Variants in SDK1 observed in about 807,000 individuals in gnomAD.
SDK1 encodes protein sidekick-1.
Under a neutral mutation model 245.5 loss-of-function variants are expected in SDK1, and 157 were observed. That is an observed-to-expected ratio of 0.64 (90% CI 0.56 to 0.73). SDK1 has a LOEUF of 0.73. SDK1 is among the 30% of genes least tolerant of loss of function. The probability of loss-of-function intolerance (pLI) is 0.00; values close to 1 mark genes in which losing one functional copy is unlikely to be tolerated. For missense variants in SDK1, 3,583 were observed against 3,002.3 expected (o/e 1.19, Z -4.52); for synonymous variants, 1,647 against 1,278.5 (o/e 1.29, Z -6.15).
At chr7:3,513,981 G>T (rs1782657038) in intron 1 of SDK1, among the ~76,000 whole-genome samples, 1 of 152,308 alleles carries the variant, frequency 6.6e-6, no homozygotes, top group South Asian at 2.1e-4. Context: ...TTTTATGGCT[G>T]TGTAATATTC....
At chr7:3,374,306 T>G (rs961636553) in intron 1 of SDK1, among the ~76,000 whole-genome samples, 3 of 152,210 alleles carry the variant, frequency 2.0e-5, no homozygotes, top group Admixed American at 6.5e-5. Context: ...GGAAGACTTG[T>G]GACTTCTGCC....
chr7:3,502,645 G>C (rs1378132266), intron 1 of SDK1, among the ~76,000 whole-genome samples: 3 of 152,166 alleles, frequency 2.0e-5, no homozygotes, highest in Admixed American at 6.5e-5. Flanking sequence ...TACCCGTTTT[G>C]TGTAAGTATA....
chr7:3,356,601 AAGT>A (rs769940261), intron 1 of SDK1, among the ~76,000 whole-genome samples: 5 of 152,166 alleles, frequency 3.3e-5, no homozygotes, highest in Non-Finnish European at 5.9e-5. Context: ...CTGACCAAGA[AAGT>A]AGGTATAGAA....
At position 3,596,206 on chromosome 7, in the gene SDK1, G is replaced by T. The variant is rs529200515; in HGVS notation, c.299-22874G>T. 2.0e-5 allele frequency among the ~76,000 whole-genome samples: 3 copies of T among 152,214 alleles called. No homozygotes were observed. The South Asian group carries it at 6.2e-4, about 32-fold the overall frequency. On this transcript the variant is annotated intron_variant, in intron 1 of 44. Transcript: ENST00000404826. ...TGTCGTTCCAGGGGTAGTAACAGAAGCTGTCATCTTGCTGGCTCTTCCATC... is the reference window on the plus strand; with the variant it reads ...TGTCGTTCCAGGGGTAGTAACAGAATCTGTCATCTTGCTGGCTCTTCCATC...
chr7:3,965,702 A>G (rs1289084794), intron 9 of SDK1, among the ~76,000 whole-genome samples: 2 of 152,006 alleles, frequency 1.3e-5, no homozygotes, highest in Non-Finnish European at 2.9e-5. Flanking sequence ...GCAGTGAAGG[A>G]CGAGATGACT....
chr7:4,034,465 C>T (rs759407616), intron 17 of SDK1, among the ~76,000 whole-genome samples: 2 of 152,186 alleles, frequency 1.3e-5, no homozygotes, highest in Admixed American at 6.5e-5. Flanking sequence ...TAGCAGCTCA[C>T]TCTCAAACAG....
intron 1 of SDK1, among the ~76,000 whole-genome samples, chr7:3,614,208 A>C (rs949011104): frequency 6.6e-6 from 1 of 152,310 alleles, no homozygotes; most frequent in East Asian, 1.9e-4. Context: ...TATATTATCC[A>C]CACAGATGAG....
At chr7:3,496,878 T>C (rs1782042506) in intron 1 of SDK1, among the ~76,000 whole-genome samples, 1 of 152,200 alleles carries the variant, frequency 6.6e-6, no homozygotes, top group Non-Finnish European at 1.5e-5. Flanking sequence ...GTTAGGTTAG[T>C]AGTGCTTGAC....
intron 4 of SDK1, among the ~76,000 whole-genome samples, chr7:3,720,208 A>T (rs567874877): frequency 6.6e-6 from 1 of 152,280 alleles, no homozygotes; most frequent in South Asian, 2.1e-4. Context: ...TTGAGGCAAG[A>T]TTGTGCCATT....
intron 1 of SDK1, among the ~76,000 whole-genome samples, chr7:3,464,032 T>C (rs1422881186): frequency 6.6e-6 from 1 of 152,236 alleles, no homozygotes; most frequent in African/African-American, 2.4e-5. Context: ...CTGATAGCTT[T>C]AATCTAAAAA....
rs1375615057 is a variant in SDK1 at position 4,067,745 on chromosome 7, C to G, written c.2912-93C>G. 4.5e-6 allele frequency: 4 copies of G among 890,212 alleles called. No individual in the cohort carries two copies. The East Asian group carries it at 1.1e-4, about 24-fold the overall frequency. The allele number at this position is 890,212 out of a possible 1,614,324, so 55.1% of individuals were successfully genotyped here. A position where few individuals can be genotyped will look rare whatever the true frequency, so the allele number is the denominator to read the frequency against. On this transcript the variant is annotated intron_variant, in intron 19 of 44. Coordinates refer to ENST00000404826, the MANE Select transcript of SDK1 (RefSeq NM_152744.4). ...AGGGTTTTGCAGCCCCAGCTCACCA[C>G]TTTCCTTCCATAGTTAGAACCTTCC...
intron 9 of SDK1, among the ~76,000 whole-genome samples, chr7:3,963,747 G>A (rs1397266602): frequency 2.7e-5 from 4 of 149,836 alleles, no homozygotes; most frequent in Non-Finnish European, 4.4e-5. Flanking sequence ...CAGCCCCATG[G>A]CTATCTGGAT....
intron 14 of SDK1, among the ~76,000 whole-genome samples, chr7:3,992,768 G>A (rs1171610570): frequency 1.3e-5 from 2 of 152,134 alleles, no homozygotes; most frequent in East Asian, 1.9e-4. Context: ...TATCTGATTC[G>A]ATAGGGACCC....
rs769917200 is a variant in SDK1, at chr7:3,654,028, G to A, written c.713+11923G>A. Among the ~76,000 whole-genome samples, 9 of 152,244 alleles carry A rather than the reference G, an allele frequency of 5.9e-5. No homozygotes were observed. In the East Asian group the frequency reaches 1.4e-3, roughly 23 times the overall value. ...ATGCAGGGGTGTTCAGGTAAAAAAC[G>A]TTCATCTTTCTGTGGCTCTCTGGCT... On this transcript the variant is annotated intron_variant, in intron 4 of 44. Coordinates refer to ENST00000404826, the MANE Select transcript of SDK1 (RefSeq NM_152744.4).
intron 1 of SDK1, among the ~76,000 whole-genome samples, chr7:3,569,294 T>C (rs1780031579): frequency 1.3e-5 from 2 of 152,196 alleles, no homozygotes; most frequent in African/African-American, 4.8e-5. Flanking sequence ...GCTGAGAGCC[T>C]GGTTCATCTG....
chr7:3,494,768 T>A (rs1781972174), intron 1 of SDK1, among the ~76,000 whole-genome samples: 1 of 152,230 alleles, frequency 6.6e-6, no homozygotes, highest in African/African-American at 2.4e-5. Flanking sequence ...TTTTGGCTAA[T>A]TAGGTCACCT....
chr7:3,361,813 C>T (rs938041714), intron 1 of SDK1, among the ~76,000 whole-genome samples: 8 of 152,038 alleles, frequency 5.3e-5, no homozygotes, highest in African/African-American at 1.7e-4. Context: ...CAAGAATAAC[C>T]GGTGAATTTT....
chr7:4,137,748 C>T (rs562150940), intron 28 of SDK1, among the ~76,000 whole-genome samples: 7 of 152,366 alleles, frequency 4.6e-5, no homozygotes, highest in South Asian at 2.1e-4. Flanking sequence ...TCGCACACGC[C>T]GCCGTCTTCT....
chr7:3,708,122 G>A (rs1784943708), intron 4 of SDK1, among the ~76,000 whole-genome samples: 1 of 152,154 alleles, frequency 6.6e-6, no homozygotes, highest in Non-Finnish European at 1.5e-5. Context: ...AAGAGGAGCA[G>A]GCACATCTTA....
Sources: allele counts gnomAD v4.1 joint callset (sites outside exome capture counted in the v4.1 genomes callset), GRCh38; gene constraint gnomAD v4.1.1; transcripts MANE v1.5; gene names NCBI Gene and HGNC (gene_info 2026-07-23, HGNC 2026-07-21).